Variants in FBXW12 observed in about 807,000 individuals in gnomAD.
FBXW12 encodes the protein F-box and WD repeat domain containing 12.
A neutral mutation model predicts 55.3 loss-of-function variants in FBXW12; 43 were observed. That is an observed-to-expected ratio of 0.78 (90% CI 0.61 to 1.00). The LOEUF (loss-of-function observed/expected upper bound fraction) is 1.00, where lower values mean the gene tolerates loss of function less well. Ranked by LOEUF, FBXW12 falls within the 50% of genes least tolerant of loss-of-function variation. The pLI, the probability that FBXW12 is intolerant of heterozygous loss-of-function variation, is 0.00. For synonymous variants in FBXW12, 184 were observed against 203.8 expected (o/e 0.90, Z 0.83); for missense variants, 524 against 560.5 (o/e 0.93, Z 0.66).
Position 48,378,517 on chromosome 3 carries a change from A to T in FBXW12, c.606A>T (p.Pro202=). ...AAGCCTATCTTACAAAGGATGGCCC[A>T]TTCCTGATGGTAAGTGAGCCCTGAA... is the stretch of plus-strand genomic sequence containing the variant. ...CMEAYLTKDG[P]FLMVGDAAGD... Residue 202 remains proline, a synonymous_variant, in exon 6 of 11, where the codon CCA becomes CCT. Transcript: ENST00000296438. The T allele has an allele frequency of 1.2e-6, 2 of 1,613,622 alleles. No homozygotes were observed. Among genetic ancestry groups the T allele is most frequent in the Middle Eastern group, 3.4e-4 (2 of 5,940 alleles).
Position 48,380,708 on chromosome 3 carries a change from C to A in FBXW12, c.781C>A (p.Leu261Ile), listed in dbSNP as rs149485537. The change falls in exon 8 of 11, where the codon CTC (leucine) becomes ATC (isoleucine). Residue 261 changes from leucine to isoleucine, a missense_variant. Physicochemically the swap from Leu to Ile is conservative, Grantham distance 5. Coordinates refer to ENST00000296438, the MANE Select transcript of FBXW12 (RefSeq NM_207102.2). Reference protein sequence around the residue: ...TYSRTLPQVFLTESLLRPSEG... With the variant: ...TYSRTLPQVFITESLLRPSEG... ...CATGCGATGCTCTCTTTAGGTATTC[C>A]TCACAGAGTCCTTACTGAGACCATC... 1.2e-6 allele frequency: 2 copies of A among 1,612,692 alleles called. No homozygotes were observed. The highest frequency in any genetic ancestry group is 2.7e-5 in the African/African-American group (2 of 74,902).
intron 10 of FBXW12, among the ~76,000 whole-genome samples, chr3:48,385,336 C>T (rs561105645): frequency 4.3e-5 from 5 of 117,416 alleles, no homozygotes; most frequent in Middle Eastern, 8.1e-3. Flanking sequence ...AATGGTATTC[C>T]ATTGTGTGTG....
intron 10 of FBXW12, among the ~76,000 whole-genome samples, chr3:48,388,090 C>A (rs752426712): frequency 6.6e-6 from 1 of 152,008 alleles, no homozygotes; most frequent in Non-Finnish European, 1.5e-5. Context: ...TTATTGTGGT[C>A]TTTTTGGTCA....
chr3:48,382,261 C>T (rs2036788050), intron 10 of FBXW12, among the ~76,000 whole-genome samples, 176 bp downstream of exon 10: 1 of 152,144 alleles, frequency 6.6e-6, no homozygotes, highest in African/African-American at 2.4e-5. Flanking sequence ...GGATTACAGG[C>T]ATGTGCCACC....
At chr3:48,391,613 G>A (rs775349449) in intron 10 of FBXW12, among the ~76,000 whole-genome samples, 111 of 152,176 alleles carry the variant, frequency 7.3e-4, no homozygotes, top group Admixed American at 1.3e-3. Flanking sequence ...TCATTATGAC[G>A]TTGCCTGTGG....
Position 48,382,159 on chromosome 3 carries a change from C to T in FBXW12, c.1295+74C>T, listed in dbSNP as rs1478704390. 13 of 1,545,714 alleles carry T rather than the reference C, an allele frequency of 8.4e-6. No homozygotes were observed. The Admixed American group carries it at 1.1e-4, about 13-fold the overall frequency. ...TTGAGACGGAGTCTCCCTATGTCAC[C>T]AGGCTGTAGTGCAGTGGCGTGATCT... On this transcript the variant is annotated intron_variant, in intron 10 of 10. Coordinates refer to ENST00000296438, the MANE Select transcript of FBXW12 (RefSeq NM_207102.2).
At chr3:48,380,654 A>G (rs756117595) in intron 7 of FBXW12, 48 bp from the exon 8 acceptor site, 101 of 1,367,858 alleles carry the variant, frequency 7.4e-5, no homozygotes, top group Non-Finnish European at 1.0e-4. Context: ...CTGTACTGAG[A>G]GGCTATAAGT....
chr3:48,389,171 G>T (rs991188939), intron 10 of FBXW12, among the ~76,000 whole-genome samples: 1 of 152,130 alleles, frequency 6.6e-6, no homozygotes, highest in African/African-American at 2.4e-5. Context: ...TTAGGCGATT[G>T]CTTGAGCCCA....
chr3:48,393,628 AAATAAAAATCCAGGG>A, intron 10 of FBXW12, among the ~76,000 whole-genome samples: 1 of 152,298 alleles, frequency 6.6e-6, no homozygotes, highest in South Asian at 2.1e-4. Context: ...TTCTATTTTA[AAATAAAAATCCAGGG>A]CTGGGCACAA....
At chr3:48,388,152 T>C (rs2036872588) in intron 10 of FBXW12, among the ~76,000 whole-genome samples, 1 of 152,250 alleles carries the variant, frequency 6.6e-6, no homozygotes, top group Non-Finnish European at 1.5e-5. Flanking sequence ...CCATATTTTC[T>C]TCATTCTTTT....
chr3:48,394,605 G>A lies in FBXW12; in HGVS notation c.1341G>A (p.Arg447=). The A allele has an allele frequency of 6.2e-7, 1 of 1,608,646 alleles. No individual in the cohort carries two copies. The highest frequency in any genetic ancestry group is 8.5e-7 in the Non-Finnish European group (1 of 1,177,610). ...VMCDNASIVL[R]VRKVSDSSIL... ...GTGATAATGCAAGCATAGTACTTAG[G>A]GTGAGGAAAGTAAGTGACTCCAGCA... The change falls in exon 11 of 11, where the codon AGG becomes AGA. Residue 447 remains arginine (R), a synonymous_variant. Transcript: ENST00000296438.
At position 48,394,696 on chromosome 3, in the gene FBXW12, T is replaced by C; in HGVS notation, c.*37T>C. On this transcript the variant is annotated 3_prime_UTR_variant, in exon 11 of 11. Transcript: ENST00000296438. Reference sequence around the variant, plus strand: ...ACAAAATTGACCTTGCATCATCTTCTGCAATGTAGTAAAGAAATTCTATTT... The same window carrying C: ...ACAAAATTGACCTTGCATCATCTTCCGCAATGTAGTAAAGAAATTCTATTT... 1 of 1,077,852 alleles carries C rather than the reference T, an allele frequency of 9.3e-7. No homozygotes were observed. Among genetic ancestry groups the C allele is most frequent in the Non-Finnish European group, 1.4e-6 (1 of 711,678 alleles). 66.8% of individuals were successfully genotyped at this position (1,077,852 alleles called of 1,614,324 possible). A position where few individuals can be genotyped will look rare whatever the true frequency, so the allele number is the denominator to read the frequency against.
chr3:48,388,816 A>C (rs972279675), intron 10 of FBXW12, among the ~76,000 whole-genome samples: 14 of 152,236 alleles, frequency 9.2e-5, no homozygotes, highest in African/African-American at 3.4e-4. Context: ...AAATGATCAA[A>C]TCGGGCTAAT....
chr3:48,380,901 C>G lies in FBXW12; in HGVS notation c.974C>G (p.Thr325Arg), dbSNP rs766689772. The change falls in exon 8 of 11, where the codon ACA (threonine) becomes AGA (arginine). Residue 325 changes from threonine (T) to arginine (R), a missense_variant. Physicochemically the swap from Thr to Arg is moderately conservative, Grantham distance 71. Coordinates refer to ENST00000296438, the MANE Select transcript of FBXW12 (RefSeq NM_207102.2). ...ACAACCAAGAAGACTGGAGGCCAAA[C>G]AGTCATCCAAGGTAGGCTGTGCCAC... ...DLTTKKTGGQ[T>R]VIQAYEIASF... 1.2e-6 allele frequency: 2 copies of G among 1,613,842 alleles called. No individual in the cohort carries two copies. Among genetic ancestry groups the G allele is most frequent in the South Asian group, 2.2e-5 (2 of 91,078 alleles).
chr3:48,375,479 C>G lies in FBXW12; in HGVS notation c.405+7C>G. On this transcript the variant is annotated splice_region_variant and intron_variant, in intron 5 of 10. Transcript: ENST00000296438. ...TGCCTGGGATGTGCAAGAGGTGAGTCTGGCCAATATGTGGCAAAAGTACTG... is the reference window on the plus strand; with the variant it reads ...TGCCTGGGATGTGCAAGAGGTGAGTGTGGCCAATATGTGGCAAAAGTACTG... The G allele has an allele frequency of 6.5e-7, 1 of 1,541,172 alleles. No homozygotes were observed. The highest frequency in any genetic ancestry group is 1.2e-5 in the South Asian group (1 of 86,420).
At chr3:48,390,597 T>C (rs957049721) in intron 10 of FBXW12, among the ~76,000 whole-genome samples, 1 of 151,388 alleles carries the variant, frequency 6.6e-6, no homozygotes, top group Non-Finnish European at 1.5e-5. Context: ...GTATTTTTAG[T>C]AGAGATGGGG....
At position 48,372,675 on chromosome 3, in the gene FBXW12, C is replaced by G; in HGVS notation, c.-84-9C>G. 2.5e-6 allele frequency: 4 copies of G among 1,607,530 alleles called. No homozygotes were observed. Among genetic ancestry groups the G allele is most frequent in the South Asian group, 2.2e-5 (2 of 90,460 alleles). ...CACACAGATGGGCATGGGTGAAAAT[C>G]TTTACAAGTGCTGCAGACTTTGGCA... On this transcript the variant is annotated splice_polypyrimidine_tract_variant and intron_variant, in intron 1 of 10. Coordinates refer to ENST00000296438, the MANE Select transcript of FBXW12 (RefSeq NM_207102.2).
At chr3:48,377,545 G>T (rs1002297357) in intron 5 of FBXW12, among the ~76,000 whole-genome samples, 3 of 152,192 alleles carry the variant, frequency 2.0e-5, no homozygotes, top group Non-Finnish European at 4.4e-5. Context: ...ACCCAGTCAA[G>T]CTACCCCTGA....
Position 48,378,449 on chromosome 3 carries a change from G to A in FBXW12, c.538G>A (p.Ala180Thr), listed in dbSNP as rs201448095. ...AGTGTGGAACTGTCAGGACAGGGAC[G>A]CTCTGGCTGTTCTCCCCATGCCACA... ...IKVWNCQDRD[A>T]LAVLPMPQPC... The change falls in exon 6 of 11, where the codon GCT becomes ACT. Residue 180 changes from alanine (A) to threonine (T), a missense_variant. By Grantham distance (58) the Ala-to-Thr change is moderately conservative. Transcript: ENST00000296438. 153 of 1,613,854 alleles carry A rather than the reference G, an allele frequency of 9.5e-5. 1 individual carries two copies. The highest frequency in any genetic ancestry group is 1.2e-4 in the Non-Finnish European group (146 of 1,180,002).
Sources: allele counts gnomAD v4.1 joint callset (sites outside exome capture counted in the v4.1 genomes callset), GRCh38; gene constraint gnomAD v4.1.1; transcripts MANE v1.5; gene names NCBI Gene and HGNC (gene_info 2026-07-23, HGNC 2026-07-21).